Variants in ALG13 observed in about 807,000 individuals in gnomAD.
ALG13 encodes the protein UDP-N-acetylglucosamine transferase subunit ALG13.
A neutral mutation model predicts 87.8 loss-of-function variants in ALG13; 11 were observed. The observed-to-expected ratio is 0.13, with a 90% confidence interval of 0.08 to 0.21. ALG13 has a LOEUF of 0.21. ALG13 is among the 10% of genes least tolerant of loss of function. ALG13 has a pLI of 1.00. For synonymous variants in ALG13, 320 were observed against 306.3 expected (o/e 1.04, Z -0.47); for missense variants, 756 against 866.1 (o/e 0.87, Z 1.60).
intron 1 of ALG13, 192 bp from the exon 2 acceptor site, chrX:111,681,940 G>A: frequency 5.9e-6 from 5 of 848,680 alleles, no homozygotes; most frequent in Non-Finnish European, 7.5e-6. Flanking sequence ...TTAGATTCAT[G>A]AGTGCTTGGG....
chrX:111,693,276 A>G, intron 3 of ALG13, among the ~76,000 whole-genome samples: 1 of 99,479 alleles, frequency 1.0e-5, no homozygotes, highest in Non-Finnish European at 2.0e-5. Flanking sequence ...TTTTTTTTTA[A>G]CGGAGTCTCG....
intron 25 of ALG13, chrX:111,753,061 T>TA (rs767283516): frequency 3.4e-6 from 1 of 294,351 alleles, no homozygotes; most frequent in South Asian, 1.3e-4. Flanking sequence ...TACTGGGCTG[T>TA]AAGCAGCACA....
chrX:111,736,912 C>T (rs374918945), intron 23 of ALG13, 33 bp downstream of exon 23: 182 of 1,134,105 alleles, frequency 1.6e-4, no homozygotes, highest in Non-Finnish European at 2.0e-4. Context: ...CTTTGGAAGC[C>T]TCTTTTCCTA....
intron 8 of ALG13, among the ~76,000 whole-genome samples, chrX:111,716,107 C>G (rs1227742732): frequency 1.8e-5 from 2 of 111,916 alleles, no homozygotes; most frequent in African/African-American, 6.5e-5. Context: ...TGGTGAGTAT[C>G]TTTCTGTATC....
At chrX:111,754,551 C>T (rs977303753) in intron 25 of ALG13, among the ~76,000 whole-genome samples, 8 of 112,313 alleles carry the variant, frequency 7.1e-5, no homozygotes, top group Admixed American at 2.8e-4. Flanking sequence ...CCCAAAAGCT[C>T]CTTAAGCTGA....
intron 2 of ALG13, among the ~76,000 whole-genome samples, chrX:111,682,496 A>T (rs1933703029): frequency 9.0e-6 from 1 of 111,709 alleles, no homozygotes; most frequent in African/African-American, 3.3e-5. Context: ...TGACACTTGA[A>T]CCTTTTCGAG....
chrX:111,705,575 A>T (rs1425744290), intron 3 of ALG13, among the ~76,000 whole-genome samples: 3 of 111,496 alleles, frequency 2.7e-5, no homozygotes, highest in African/African-American at 9.8e-5. Context: ...TTTATTTTTT[A>T]AAATTTTGAA....
chrX:111,737,460 C>T (rs1303153906), intron 23 of ALG13, among the ~76,000 whole-genome samples: 1 of 111,501 alleles, frequency 9.0e-6, no homozygotes. Flanking sequence ...CAGCAGACTT[C>T]TAGGAAGGTG....
intron 8 of ALG13, among the ~76,000 whole-genome samples, chrX:111,716,597 TAACTTA>T (rs200764374): frequency 0.014 from 1,553 of 112,295 alleles, 28 homozygotes; most frequent in African/African-American, 0.048. Context: ...GAGAAACTTA[TAACTTA>T]AACTTTACTG....
intron 3 of ALG13, among the ~76,000 whole-genome samples, chrX:111,703,478 C>T (rs1275198118): frequency 1.8e-5 from 2 of 111,315 alleles, no homozygotes; most frequent in East Asian, 2.8e-4. Flanking sequence ...CTACCACAGT[C>T]GAGATGCAGA....
intron 21 of ALG13, among the ~76,000 whole-genome samples, chrX:111,733,801 C>T (rs1379928781): frequency 1.8e-5 from 2 of 111,689 alleles, no homozygotes; most frequent in Non-Finnish European, 3.8e-5. Flanking sequence ...CTTTTCACCA[C>T]ATCCATGCCA....
intron 23 of ALG13, among the ~76,000 whole-genome samples, chrX:111,741,864 A>C: frequency 9.0e-6 from 1 of 111,438 alleles, no homozygotes; most frequent in South Asian, 3.8e-4. Context: ...ACATACAATA[A>C]ATGTTAATGA....
Position 111,682,255 on chromosome X carries a change from G to A in ALG13, c.205G>A (p.Glu69Lys). ...TTACAGGTACAAGGATTCCTTGAAA[G>A]AAGACATTCAGAAAGCAGATCTTGT... ...DVYRYKDSLK[E>K]DIQKADLVIS... The change falls in exon 2 of 27, where the codon GAA becomes AAA. Residue 69 changes from glutamate to lysine, a missense_variant. Around this residue, in one of 9 missense-constraint regions of ALG13, gnomAD observed 153 missense variants for 168.7 expected, o/e 0.91. Coordinates refer to ENST00000394780, the MANE Select transcript of ALG13 (RefSeq NM_001099922.3). 8.4e-7 allele frequency: 1 copy of A among 1,195,587 alleles called. No individual in the cohort carries two copies. Among genetic ancestry groups the A allele is most frequent in the Non-Finnish European group, 1.1e-6 (1 of 886,992 alleles).
chrX:111,691,889 T>C (rs1206357395), intron 3 of ALG13, among the ~76,000 whole-genome samples: 1 of 112,362 alleles, frequency 8.9e-6, no homozygotes, highest in Non-Finnish European at 1.9e-5. Context: ...TTTACAAATC[T>C]TTTTCTTTTT....
chrX:111,700,780 A>T (rs1215390559), intron 3 of ALG13, among the ~76,000 whole-genome samples: 1 of 87,188 alleles, frequency 1.1e-5, no homozygotes. Flanking sequence ...TTTAGTAGAG[A>T]TGCGGTTTCA....
chrX:111,693,164 C>CTTTTTTTTTTTTT (rs61239915), intron 3 of ALG13, among the ~76,000 whole-genome samples: 1 of 55,117 alleles, frequency 1.8e-5, no homozygotes. Flanking sequence ...GTTTTTAATT[C>CTTTTTTTTTTTTT]TTTTTTTTTT....
At chrX:111,759,682 G>A (rs565036274) in intron 26 of ALG13, 52 bp from the exon 27 acceptor site, 2 of 1,075,310 alleles carry the variant, frequency 1.9e-6, no homozygotes, top group African/African-American at 3.7e-5. Context: ...ATGGGGTTCT[G>A]TTTTGGTGAA....
At chrX:111,716,406 G>A (rs1159079155) in intron 8 of ALG13, among the ~76,000 whole-genome samples, 1 of 111,894 alleles carries the variant, frequency 8.9e-6, no homozygotes, top group African/African-American at 3.2e-5. Context: ...TATAAGAACT[G>A]CTTATTCATC....
chrX:111,681,785 CG>C, intron 1 of ALG13: 1 of 832,721 alleles, frequency 1.2e-6, no homozygotes, highest in Non-Finnish European at 1.4e-6. Flanking sequence ...CTCCTCAGCG[CG>C]CGTCGTCCCC....
Sources: gnomAD v4.1 joint callset for allele counts (sites outside exome capture counted in the v4.1 genomes callset) on GRCh38, gnomAD v4.1.1 for gene constraint, gnomAD v4.1.1 regional missense constraint, MANE v1.5 for transcripts, NCBI Gene and HGNC (gene_info 2026-07-23, HGNC 2026-07-21) for gene names.